The following DPP10 variants were observed in gnomAD, a reference collection of about 807,000 sequenced individuals.
DPP10 encodes inactive dipeptidyl peptidase 10.
A neutral mutation model predicts 120.9 loss-of-function variants in DPP10; 33 were observed. That is an observed-to-expected ratio of 0.27 (90% CI 0.21 to 0.37). The LOEUF is 0.37. DPP10 is among the 10% of genes least tolerant of loss of function. The pLI, the probability that DPP10 is intolerant of heterozygous loss-of-function variation, is 1.00. For synonymous variants in DPP10, 337 were observed against 326.1 expected, an observed-to-expected ratio of 1.03 and a Z score of -0.36; for missense variants, 816 against 942.8, an observed-to-expected ratio of 0.87 and a Z score of 1.76.
At chr2:115,474,807 T>G (rs1480898729) in intron 3 of DPP10, among the ~76,000 whole-genome samples, 1 of 151,148 alleles carries the variant, frequency 6.6e-6, no homozygotes, top group Non-Finnish European at 1.5e-5. Context: ...GAGGAGCCAA[T>G]TACTAATAGC....
chr2:115,750,509 A>G (rs1678568338), intron 10 of DPP10, among the ~76,000 whole-genome samples: 1 of 152,182 alleles, frequency 6.6e-6, no homozygotes. Flanking sequence ...TACCATGTGC[A>G]AGGTCATTCT....
intron 1 of DPP10, among the ~76,000 whole-genome samples, chr2:114,553,147 G>A (rs548941564): frequency 3.3e-5 from 5 of 152,306 alleles, no homozygotes; most frequent in Non-Finnish European, 7.3e-5. Context: ...TGGCTTCACA[G>A]TTGGAATTGC....
chr2:114,663,669 A>ATATATG (rs1558981032), intron 1 of DPP10, among the ~76,000 whole-genome samples: 2 of 87,516 alleles, frequency 2.3e-5, no homozygotes, highest in African/African-American at 1.2e-4. Flanking sequence ...ATATATATAT[A>ATATATG]GAGAGAGAGA....
At chr2:115,378,726 CATCA>C (rs1477056858) in intron 3 of DPP10, among the ~76,000 whole-genome samples, 2 of 152,080 alleles carry the variant, frequency 1.3e-5, no homozygotes, top group African/African-American at 4.8e-5. Flanking sequence ...AAATACATCC[CATCA>C]ATCCCTAATT....
Position 115,769,964 on chromosome 2 carries a change from A to C in DPP10, c.1221+1560A>C, listed in dbSNP as rs561648190. 2.0e-5 allele frequency among the ~76,000 whole-genome samples: 3 copies of C among 152,012 alleles called. No homozygotes were observed. The South Asian group carries it at 6.2e-4, about 31-fold the overall frequency. Reference sequence around the variant, plus strand: ...ATTCTAGAAGCTCTGTGAAAAATATAAGTAGTAAAGAAGATTACCTACAAA... The same window carrying C: ...ATTCTAGAAGCTCTGTGAAAAATATCAGTAGTAAAGAAGATTACCTACAAA... On this transcript the variant is annotated intron_variant, in intron 13 of 25. Coordinates refer to ENST00000410059, the MANE Select transcript of DPP10 (RefSeq NM_020868.6).
chr2:115,306,314 A>T (rs1419856864), intron 1 of DPP10, among the ~76,000 whole-genome samples: 2 of 152,072 alleles, frequency 1.3e-5, no homozygotes, highest in Non-Finnish European at 2.9e-5. Context: ...CTGGATGCAT[A>T]TGAAAGGGGT....
At chr2:115,016,181 A>G (rs1398821765) in intron 1 of DPP10, among the ~76,000 whole-genome samples, 1 of 152,174 alleles carries the variant, frequency 6.6e-6, no homozygotes, top group East Asian at 1.9e-4. Context: ...AACAGAACAG[A>G]GGCCTCAGAA....
At chr2:114,705,639 A>G (rs1419906097) in intron 1 of DPP10, among the ~76,000 whole-genome samples, 1 of 152,184 alleles carries the variant, frequency 6.6e-6, no homozygotes, top group Non-Finnish European at 1.5e-5. Flanking sequence ...TAGAAAATAC[A>G]AAGTCCTACA....
intron 1 of DPP10, among the ~76,000 whole-genome samples, chr2:114,572,552 C>G (rs1344616394): frequency 1.3e-5 from 2 of 152,180 alleles, no homozygotes; most frequent in African/African-American, 4.8e-5. Flanking sequence ...AGGCAGATCT[C>G]TCCACCCTAT....
intron 1 of DPP10, among the ~76,000 whole-genome samples, chr2:114,613,967 G>A (rs1455071398): frequency 2.0e-5 from 3 of 152,010 alleles, no homozygotes; most frequent in Admixed American, 6.6e-5. Context: ...AGGGCCTGTC[G>A]GGGGTTGGGG....
chr2:115,330,992 A>G (rs1446214771), intron 2 of DPP10, among the ~76,000 whole-genome samples: 3 of 152,148 alleles, frequency 2.0e-5, no homozygotes, highest in Non-Finnish European at 2.9e-5. Flanking sequence ...TGGGGATGGC[A>G]TTGAATCTAT....
intron 1 of DPP10, among the ~76,000 whole-genome samples, chr2:115,143,734 T>C (rs1317313982): frequency 1.3e-5 from 2 of 152,248 alleles, no homozygotes; most frequent in East Asian, 3.9e-4. Context: ...AGCATAAAGG[T>C]ATGTGGCATC....
At chr2:115,658,514 C>G (rs1361129398) in intron 5 of DPP10, among the ~76,000 whole-genome samples, 1 of 151,956 alleles carries the variant, frequency 6.6e-6, no homozygotes, top group Non-Finnish European at 1.5e-5. Flanking sequence ...TAACATCATT[C>G]ATAAATTATT....
chr2:114,913,157 G>A (rs1286340273), intron 1 of DPP10, among the ~76,000 whole-genome samples: 1 of 152,170 alleles, frequency 6.6e-6, no homozygotes, highest in Non-Finnish European at 1.5e-5. Context: ...TCTTTTCATG[G>A]CAGACCTCTC....
chr2:115,180,372 T>C (rs556963338), intron 1 of DPP10, among the ~76,000 whole-genome samples: 3 of 152,326 alleles, frequency 2.0e-5, no homozygotes, highest in Admixed American at 6.5e-5. Flanking sequence ...TAAATTTTAA[T>C]CAGTCACTAC....
chr2:114,726,084 A>C (rs553659299), intron 1 of DPP10, among the ~76,000 whole-genome samples: 97 of 152,004 alleles, frequency 6.4e-4, no homozygotes, highest in African/African-American at 2.3e-3. Flanking sequence ...TACAAAAAAA[A>C]ATTTAGCTGG....
intron 3 of DPP10, among the ~76,000 whole-genome samples, chr2:115,348,009 T>C (rs952785507): frequency 2.0e-5 from 3 of 152,116 alleles, no homozygotes; most frequent in African/African-American, 4.8e-5. Context: ...TTGTAACCTT[T>C]CCTGGGGTAG....
At chr2:115,842,096 AT>A (rs1218136091) in intron 25 of DPP10, 114 bp from the exon 26 acceptor site, 8 of 1,053,952 alleles carry the variant, frequency 7.6e-6, no homozygotes, top group Non-Finnish European at 1.0e-5. Flanking sequence ...ATTAGGTTTG[AT>A]TTTGGTCAGA....
intron 1 of DPP10, among the ~76,000 whole-genome samples, chr2:114,641,821 C>T (rs865956654): frequency 1.1e-4 from 17 of 151,872 alleles, no homozygotes; most frequent in Middle Eastern, 3.4e-3. Flanking sequence ...TTTTATACTG[C>T]TTATAGATCA....
Sources: gnomAD v4.1 joint callset for allele counts (sites outside exome capture counted in the v4.1 genomes callset) on GRCh38, gnomAD v4.1.1 for gene constraint, MANE v1.5 for transcripts, NCBI Gene and HGNC (gene_info 2026-07-23, HGNC 2026-07-21) for gene names.